Variants in STT3A observed in about 807,000 individuals in gnomAD.
STT3A encodes the protein dolichyl-diphosphooligosaccharide--protein glycosyltransferase subunit STT3A.
STT3A carries 34 observed loss-of-function variants against 89.2 expected under a neutral mutation model. The observed-to-expected ratio is 0.38, with a 90% CI of 0.29 to 0.51. The LOEUF (loss-of-function observed/expected upper bound fraction) is 0.51, where lower values mean the gene tolerates loss of function less well. Among genes scored for constraint, STT3A ranks in the 20% least tolerant of loss-of-function variants. STT3A has a pLI of 0.89. For synonymous variants in STT3A, 282 were observed against 310.3 expected, an observed-to-expected ratio of 0.91 and a Z score of 0.96; for missense variants, 555 against 889.5, an observed-to-expected ratio of 0.62 and a Z score of 4.78.
intron 3 of STT3A, 123 bp downstream of exon 3, chr11:125,597,242 A>G: frequency 9.8e-7 from 1 of 1,024,376 alleles, no homozygotes; most frequent in Non-Finnish European, 1.5e-6. Context: ...TTTAAGGGAA[A>G]AAAAAACCCT....
intron 3 of STT3A, among the ~76,000 whole-genome samples, chr11:125,599,303 C>T (rs1939601223): frequency 6.6e-6 from 1 of 152,208 alleles, no homozygotes; most frequent in South Asian, 2.1e-4. Flanking sequence ...CAAAACTTGA[C>T]TGACCAAGGA....
intron 5 of STT3A, among the ~76,000 whole-genome samples, chr11:125,603,894 A>G (rs1016408296): frequency 6.6e-6 from 1 of 152,124 alleles, no homozygotes; most frequent in East Asian, 1.9e-4. Flanking sequence ...GACAGTATTG[A>G]TGTTTGACAT....
chr11:125,606,343 C>T lies in STT3A; in HGVS notation c.658C>T (p.Pro220Ser). The T allele has an allele frequency of 6.2e-7, 1 of 1,614,118 alleles. No homozygotes were observed. The highest frequency in any genetic ancestry group is 8.5e-7 in the Non-Finnish European group (1 of 1,180,032). ...GGYVFLINLI[P>S]LHVLVLMLTG... ...TTATGTGTTCCTGATCAACTTAATT[C>T]CTCTCCACGTCCTCGTGCTGATGCT... Residue 220 changes from proline (P) to serine (S), a missense_variant, in exon 8 of 18, where the codon CCT becomes TCT. Pro to Ser is a moderately conservative substitution (Grantham distance 74, BLOSUM62 -1). Transcript: ENST00000392708.
chr11:125,603,880 C>G (rs1428103792), intron 5 of STT3A, among the ~76,000 whole-genome samples: 1 of 152,152 alleles, frequency 6.6e-6, no homozygotes, highest in Non-Finnish European at 1.5e-5. Flanking sequence ...ACAGCCCATT[C>G]TGGGACAGTA....
chr11:125,592,580 C>T (rs1939334100), upstream of STT3A: 1 of 438,576 alleles, frequency 2.3e-6, no homozygotes, highest in African/African-American at 2.0e-5. Context: ...ACACGTCACT[C>T]CTCGGCCCTC....
rs1288329292 is a variant in STT3A, at chr11:125,611,466, C to T, written c.1156C>T (p.Arg386Trp). The change falls in exon 11 of 18, where the codon CGG (arginine) becomes TGG (tryptophan). Residue 386 changes from arginine (R) to tryptophan (W), a missense_variant. Arg to Trp is a moderately radical substitution (Grantham distance 101, BLOSUM62 -3). Coordinates refer to ENST00000392708, the MANE Select transcript of STT3A (RefSeq NM_152713.5). ...CTGCTTTAGCAACCTGTCTGATGCC[C>T]GGATTTTTATCATCATGTATGGTGT... is the stretch of plus-strand genomic sequence containing the variant. ...YYCFSNLSDA[R>W]IFIIMYGVTS... The T allele has an allele frequency of 5.0e-6, 8 of 1,613,864 alleles. No individual in the cohort carries two copies. Among genetic ancestry groups the T allele is most frequent in the Admixed American group, 1.7e-5 (1 of 59,996 alleles).
chr11:125,606,344 C>G lies in STT3A; in HGVS notation c.659C>G (p.Pro220Arg). 6.2e-7 allele frequency: 1 copy of G among 1,614,078 alleles called. No individual in the cohort carries two copies. Among genetic ancestry groups the G allele is most frequent in the Non-Finnish European group, 8.5e-7 (1 of 1,180,022 alleles). ...GGYVFLINLI[P>R]LHVLVLMLTG... is the part of the protein sequence containing the mutation. ...TATGTGTTCCTGATCAACTTAATTCCTCTCCACGTCCTCGTGCTGATGCTC... is the reference window on the plus strand; with the variant it reads ...TATGTGTTCCTGATCAACTTAATTCGTCTCCACGTCCTCGTGCTGATGCTC... The change falls in exon 8 of 18, where the codon CCT (proline) becomes CGT (arginine). Residue 220 changes from proline (P) to arginine (R), a missense_variant. Around this residue, in one of 5 missense-constraint regions of STT3A, gnomAD observed 149 missense variants for 206.2 expected, o/e 0.72. Transcript: ENST00000392708.
intron 8 of STT3A, 92 bp downstream of exon 8, chr11:125,606,557 A>T (rs1939845726): frequency 2.9e-6 from 4 of 1,384,032 alleles, no homozygotes; most frequent in Non-Finnish European, 3.9e-6. Flanking sequence ...TAAGAAGAGT[A>T]CGACTTATTC....
rs1298533228 is a variant in STT3A at position 125,621,816 on chromosome 11, AGAG to A, written c.*1010_*1012del. ...GCAGTGCCAGCCTGCCTGCAAGAAA[AGAG>A]GAGAAACTTCTTAAAAAGTTTTAAG... is the stretch of plus-strand genomic sequence containing the variant. On this transcript the variant is annotated 3_prime_UTR_variant, in exon 18 of 18. Transcript: ENST00000392708. 1 of 152,242 alleles carries A rather than the reference AGAG, an allele frequency of 6.6e-6. No homozygotes were observed. Among genetic ancestry groups the A allele is most frequent in the Non-Finnish European group, 1.5e-5 (1 of 68,048 alleles). 9.4% of individuals were successfully genotyped at this position (152,242 alleles called of 1,614,324 possible).
chr11:125,612,757 A>G lies in STT3A; in HGVS notation c.1365+10A>G. The stretch of plus-strand genomic sequence containing the variant: ...CCCTATTAAGAATGAAGTGAGAAGC[A>G]ATGTTAAGAGTAGACTTGGGAAACT... On this transcript the variant is annotated intron_variant, in intron 12 of 17. Transcript: ENST00000392708. 6.2e-7 allele frequency: 1 copy of G among 1,613,214 alleles called. No homozygotes were observed. The highest frequency in any genetic ancestry group is 1.7e-5 in the Admixed American group (1 of 59,948).
chr11:125,609,538 A>C lies in STT3A; in HGVS notation c.1066A>C (p.Thr356Pro). 6.2e-7 allele frequency: 1 copy of C among 1,614,146 alleles called. No individual in the cohort carries two copies. The highest frequency in any genetic ancestry group is 8.5e-7 in the Non-Finnish European group (1 of 1,180,036). ...IASVSEHQPT[T>P]WSSYYFDLQL... is the part of the protein sequence containing the mutation. ...TTCTGTGTCTGAGCATCAGCCCACA[A>C]CCTGGTCCTCATACTATTTTGACCT... Residue 356 changes from threonine to proline, a missense_variant, in exon 10 of 18, where the codon ACC becomes CCC. This residue lies in a region of STT3A where 273 missense variants were observed against 449.8 expected (regional missense o/e 0.61). Transcript: ENST00000392708.
chr11:125,603,810 A>G (rs1939756196), intron 5 of STT3A, among the ~76,000 whole-genome samples: 1 of 152,194 alleles, frequency 6.6e-6, no homozygotes, highest in Admixed American at 6.5e-5. Context: ...CTGGTGTTCC[A>G]ATGATGTACA....
At chr11:125,615,356 A>G (rs1257227894) in intron 15 of STT3A, among the ~76,000 whole-genome samples, 1 of 152,206 alleles carries the variant, frequency 6.6e-6, no homozygotes, top group East Asian at 1.9e-4. Flanking sequence ...CAGTCCCCAG[A>G]AGCAATGATT....
rs201926144 is a variant in STT3A, at chr11:125,608,131, T to C, written c.803T>C (p.Met268Thr). The change falls in exon 9 of 18, where the codon ATG becomes ACG. Residue 268 changes from methionine (M) to threonine (T), a missense_variant. Met to Thr is a moderately conservative substitution (Grantham distance 81, BLOSUM62 -1). This residue lies in a region of STT3A where 149 missense variants were observed against 206.2 expected (regional missense o/e 0.72). Coordinates refer to ENST00000392708, the MANE Select transcript of STT3A (RefSeq NM_152713.5). ...GFQPVLSSEHMAAFGVFGLCQ... is the reference protein window; with the variant it reads ...GFQPVLSSEHTAAFGVFGLCQ... ...CAGCCTGTCCTTTCATCAGAGCACATGGCAGCCTTTGGGGTCTTTGGTCTC... is the reference window on the plus strand; with the variant it reads ...CAGCCTGTCCTTTCATCAGAGCACACGGCAGCCTTTGGGGTCTTTGGTCTC... The C allele has an allele frequency of 1.9e-5, 30 of 1,611,474 alleles. No individual in the cohort carries two copies. The highest frequency in any genetic ancestry group is 8.5e-7 in the Non-Finnish European group (1 of 1,179,126).
chr11:125,608,130 A>G lies in STT3A; in HGVS notation c.802A>G (p.Met268Val), dbSNP rs1439359165. The G allele has an allele frequency of 1.2e-6, 2 of 1,611,262 alleles. No individual in the cohort carries two copies. Among genetic ancestry groups the G allele is most frequent in the Non-Finnish European group, 8.5e-7 (1 of 1,179,064 alleles). The change falls in exon 9 of 18, where the codon ATG becomes GTG. Residue 268 changes from methionine (M) to valine (V), a missense_variant. By Grantham distance (21) the Met-to-Val change is conservative. This residue lies in a region of STT3A where 149 missense variants were observed against 206.2 expected (regional missense o/e 0.72). Transcript: ENST00000392708. ...ACAGCCTGTCCTTTCATCAGAGCAC[A>G]TGGCAGCCTTTGGGGTCTTTGGTCT... ...GFQPVLSSEH[M>V]AAFGVFGLCQ...
chr11:125,609,129 T>G (rs1250668465), intron 9 of STT3A, among the ~76,000 whole-genome samples: 2 of 152,226 alleles, frequency 1.3e-5, no homozygotes, highest in Non-Finnish European at 2.9e-5. Flanking sequence ...TGATTTAATC[T>G]CTACAGTTGG....
intron 3 of STT3A, among the ~76,000 whole-genome samples, chr11:125,599,879 C>T (rs1380749030): frequency 5.7e-5 from 8 of 140,862 alleles, no homozygotes; most frequent in Admixed American, 2.2e-4. Context: ...TACAGGCACG[C>T]GCCACCACGC....
Position 125,602,544 on chromosome 11 carries a change from T to C in STT3A, c.271+120T>C, listed in dbSNP as rs1017743695. ...TGTGACACTTGTAATTTCATCCTGA[T>C]TACAGGTTCCTAAAAGTGCATCTTA... On this transcript the variant is annotated intron_variant, in intron 4 of 17. Transcript: ENST00000392708. The C allele has an allele frequency of 7.9e-6, 10 of 1,270,912 alleles. No individual in the cohort carries two copies. The Admixed American group carries it at 2.4e-4, about 31-fold the overall frequency. 78.7% of individuals were successfully genotyped at this position (1,270,912 alleles called of 1,614,324 possible).
rs1318369171 is a variant in STT3A at position 125,609,448 on chromosome 11, T to C, written c.976T>C (p.Trp326Arg). The change falls in exon 10 of 18, where the codon TGG (tryptophan) becomes CGG (arginine). Residue 326 changes from tryptophan (W) to arginine (R), a missense_variant. Trp to Arg is a moderately radical substitution (Grantham distance 101, BLOSUM62 -3). This residue lies in a region of STT3A where 149 missense variants were observed against 206.2 expected (regional missense o/e 0.72). Coordinates refer to ENST00000392708, the MANE Select transcript of STT3A (RefSeq NM_152713.5). Reference protein sequence around the residue: ...LLMLTGKISPWTGRFYSLLDP... With the variant: ...LLMLTGKISPRTGRFYSLLDP... ...TTTGCTGCTAGGAAAAATATCTCCCTGGACGGGGCGTTTCTACTCGCTGCT... is the reference window on the plus strand; with the variant it reads ...TTTGCTGCTAGGAAAAATATCTCCCCGGACGGGGCGTTTCTACTCGCTGCT... 6.2e-7 allele frequency: 1 copy of C among 1,609,598 alleles called. No individual in the cohort carries two copies. The highest frequency in any genetic ancestry group is 1.1e-5 in the South Asian group (1 of 90,038).
Sources: gnomAD v4.1 joint callset for allele counts (sites outside exome capture counted in the v4.1 genomes callset) on GRCh38, gnomAD v4.1.1 for gene constraint, gnomAD v4.1.1 regional missense constraint, MANE v1.5 for transcripts, NCBI Gene and HGNC (gene_info 2026-07-23, HGNC 2026-07-21) for gene names.